The following IFT74 variants were observed in gnomAD, a reference collection of about 807,000 sequenced individuals.
IFT74 encodes the protein intraflagellar transport protein 74 homolog.
In IFT74, 92 loss-of-function variants were observed where a neutral mutation model predicts 96.7. The observed-to-expected ratio is 0.95, with a 90% CI of 0.80 to 1.13. The LOEUF (loss-of-function observed/expected upper bound fraction) is 1.13. Ranked by LOEUF, IFT74 falls within the 50% of genes most tolerant of loss-of-function variation. The probability of loss-of-function intolerance (pLI) is 0.00; values close to 1 mark genes in which losing one functional copy is unlikely to be tolerated. For synonymous variants in IFT74, 223 were observed against 213.2 expected, an observed-to-expected ratio of 1.05 and a Z score of -0.40; for missense variants, 811 against 698.2, an observed-to-expected ratio of 1.16 and a Z score of -1.82.
chr9:27,011,079 C>T (rs981351480), intron 9 of IFT74, among the ~76,000 whole-genome samples: 1 of 152,018 alleles, frequency 6.6e-6, no homozygotes, highest in South Asian at 2.1e-4. Context: ...ATGGTGAAAC[C>T]CTGTCTCTAC....
chr9:27,004,485 G>T (rs539601116), intron 8 of IFT74, among the ~76,000 whole-genome samples: 1 of 152,306 alleles, frequency 6.6e-6, no homozygotes, highest in Admixed American at 6.5e-5. Context: ...AAGAGGGGGT[G>T]ATGTCGATTA....
At chr9:27,002,459 T>C (rs1414879121) in intron 8 of IFT74, among the ~76,000 whole-genome samples, 1 of 152,250 alleles carries the variant, frequency 6.6e-6, no homozygotes, top group Non-Finnish European at 1.5e-5. Flanking sequence ...TCCATTTTTA[T>C]TCCTGGATAT....
chr9:27,026,044 G>A (rs557020401), intron 12 of IFT74, among the ~76,000 whole-genome samples: 4 of 152,122 alleles, frequency 2.6e-5, no homozygotes, highest in Admixed American at 1.3e-4. Flanking sequence ...ACAGAATAAC[G>A]GAATGGATAA....
intron 13 of IFT74, among the ~76,000 whole-genome samples, chr9:27,038,920 G>T (rs995616533): frequency 6.6e-6 from 1 of 152,172 alleles, no homozygotes; most frequent in Admixed American, 6.5e-5. Context: ...GAAAAAAGGA[G>T]AAACAGCTTC....
chr9:27,062,682 T>C lies in IFT74; in HGVS notation c.1749T>C (p.Ile583=). The C allele has an allele frequency of 2.5e-6, 4 of 1,610,342 alleles. No individual in the cohort carries two copies. In the South Asian group the frequency reaches 4.4e-5, roughly 18 times the overall value. The change falls in exon 20 of 20, where the codon ATT becomes ATC. Residue 583 remains isoleucine, a synonymous_variant. Transcript: ENST00000380062. ...QPIKKNVTKQ[I]AEYNKTIVDA... is the part of the protein sequence containing the mutation. ...TTAAGAAAAATGTGACCAAGCAGAT[T>C]GCAGAGTACAATAAAACCATCGTGG...
chr9:27,016,867 A>C, intron 10 of IFT74, 40 bp from the exon 11 acceptor site: 1 of 1,504,268 alleles, frequency 6.6e-7, no homozygotes, highest in Non-Finnish European at 9.0e-7. Context: ...AATTATTGAT[A>C]AAATACTAAT....
chr9:26,980,534 C>A (rs375972301), intron 3 of IFT74, 37 bp from the exon 4 acceptor site: 4 of 1,372,218 alleles, frequency 2.9e-6, no homozygotes, highest in African/African-American at 2.9e-5. Context: ...GGTGGCATTT[C>A]GAACTGAACA....
At chr9:27,006,943 T>G (rs1411699122) in intron 8 of IFT74, among the ~76,000 whole-genome samples, 1 of 149,814 alleles carries the variant, frequency 6.7e-6, no homozygotes, top group African/African-American at 2.5e-5. Flanking sequence ...TTGACGCCAT[T>G]CTCCTGCCTC....
chr9:26,975,945 A>T (rs888709202), intron 2 of IFT74, among the ~76,000 whole-genome samples: 4 of 152,156 alleles, frequency 2.6e-5, no homozygotes, highest in Admixed American at 2.6e-4. Context: ...TGCAGATAGG[A>T]CCCACTCAAT....
In IFT74 at chr9:27,055,541, C is replaced by T. The variant is rs552220246; in HGVS notation, c.1334-68C>T. On this transcript the variant is annotated intron_variant, in intron 16 of 19. Transcript: ENST00000380062. ...TAAAAAACATGATTTTTAATAGTTG[C>T]ATTACATTTCCTTATGTGAAAGGAA... 120 of 995,018 alleles carry T rather than the reference C, an allele frequency of 1.2e-4. No individual in the cohort carries two copies. The Admixed American group carries it at 1.3e-3, about 11-fold the overall frequency. The allele number at this position is 995,018 out of a possible 1,614,324, so 61.6% of individuals were successfully genotyped here.
In IFT74 at chr9:27,015,197, A is replaced by G. The variant is rs73436066; in HGVS notation, c.790-1710A>G. 4.6e-3 allele frequency among the ~76,000 whole-genome samples: 697 copies of G among 152,264 alleles called. 5 individuals carry two copies. The highest frequency in any genetic ancestry group is 0.016 in the African/African-American group (649 of 41,566). ...AGCATAAAATATCTGCATTTCTTCT[A>G]TGTCTTTTTAGCATGGCTTTTTTTA... is the stretch of plus-strand genomic sequence containing the variant. On this transcript the variant is annotated intron_variant, in intron 10 of 19. Transcript: ENST00000380062.
chr9:27,000,440 A>G (rs1828419568), intron 8 of IFT74, among the ~76,000 whole-genome samples: 1 of 152,146 alleles, frequency 6.6e-6, no homozygotes, highest in Non-Finnish European at 1.5e-5. Flanking sequence ...ATTATTCTTG[A>G]CTTAAAACTG....
At chr9:26,954,981 AAG>A (rs1295178191), upstream of IFT74, among the ~76,000 whole-genome samples, 1 of 152,126 alleles carries the variant, frequency 6.6e-6, no homozygotes, top group Non-Finnish European at 1.5e-5. Flanking sequence ...CATCATGAAA[AAG>A]AAATGGGGAC....
intron 1 of IFT74, chr9:26,947,569 C>G (rs1825784942): frequency 6.5e-6 from 1 of 153,152 alleles, no homozygotes; most frequent in African/African-American, 2.4e-5. Context: ...GTCTTTCGCG[C>G]TGGGCATGGC....
chr9:27,045,964 A>T (rs534293911), intron 14 of IFT74, among the ~76,000 whole-genome samples: 1 of 152,294 alleles, frequency 6.6e-6, no homozygotes, highest in Admixed American at 6.5e-5. Flanking sequence ...GGTATCTGGC[A>T]CTTAGGTGTC....
chr9:27,037,419 G>A (rs574223003), intron 13 of IFT74, among the ~76,000 whole-genome samples: 29 of 152,336 alleles, frequency 1.9e-4, no homozygotes, highest in African/African-American at 6.5e-4. Context: ...CTAGCTAGCT[G>A]TGGAAAGTAG....
upstream of IFT74, among the ~76,000 whole-genome samples, chr9:26,954,092 G>T (rs1044058105): frequency 2.6e-5 from 4 of 152,146 alleles, no homozygotes; most frequent in Non-Finnish European, 5.9e-5. Flanking sequence ...TATTGCAGTA[G>T]TAAATTATGG....
At chr9:27,010,903 C>T (rs1173266558) in intron 9 of IFT74, among the ~76,000 whole-genome samples, 2 of 152,130 alleles carry the variant, frequency 1.3e-5, no homozygotes, top group Non-Finnish European at 2.9e-5. Flanking sequence ...GCCCAGATGG[C>T]CCTTAACTAA....
In IFT74 at chr9:26,979,733, G is replaced by T. The variant is rs1193850470; in HGVS notation, c.257-838G>T. ...TTTTTTTTTTTTTTTTTTTTTTTGAGATGGGGTCTTTCTCTGTCGCCCAGG... is the reference window on the plus strand; with the variant it reads ...TTTTTTTTTTTTTTTTTTTTTTTGATATGGGGTCTTTCTCTGTCGCCCAGG... On this transcript the variant is annotated intron_variant, in intron 3 of 19. Transcript: ENST00000380062. Among the ~76,000 whole-genome samples, 140 of 64,154 alleles carry T rather than the reference G, an allele frequency of 2.2e-3. 4 individuals are homozygous for T. The East Asian group carries it at 0.1, about 47-fold the overall frequency. 42.1% of individuals were successfully genotyped at this position (64,154 alleles called of 152,430 possible).
Sources: gnomAD v4.1 joint callset for allele counts (sites outside exome capture counted in the v4.1 genomes callset) on GRCh38, gnomAD v4.1.1 for gene constraint, MANE v1.5 for transcripts, NCBI Gene and HGNC (gene_info 2026-07-23, HGNC 2026-07-21) for gene names.